The following CCT7 variants were observed in gnomAD, a reference collection of about 807,000 sequenced individuals.
The protein encoded by CCT7 is T-complex protein 1 subunit eta.
A neutral mutation model predicts 56.6 loss-of-function variants in CCT7; 16 were observed. That is an observed-to-expected ratio of 0.28 (90% CI 0.19 to 0.43). The LOEUF (loss-of-function observed/expected upper bound fraction) is 0.43. Among genes scored for constraint, CCT7 ranks in the 20% least tolerant of loss-of-function variants. The probability of loss-of-function intolerance (pLI) is 1.00; values close to 1 mark genes in which losing one functional copy is unlikely to be tolerated. For missense variants in CCT7, 519 were observed against 685.6 expected, an observed-to-expected ratio of 0.76 and a Z score of 2.71; for synonymous variants, 262 against 254.8, an observed-to-expected ratio of 1.03 and a Z score of -0.27.
In CCT7 at chr2:73,252,681, T is replaced by C. The variant is rs1299234680; in HGVS notation, c.1452T>C (p.Ile484=). Residue 484 remains isoleucine, a synonymous_variant, in exon 12 of 12, where the codon ATT becomes ATC. Transcript: ENST00000258091. The part of the protein sequence containing the change: ...WYGVDINNED[I]ADNFEAFVWE... Reference sequence around the variant, plus strand: ...GAGTAGACATCAACAACGAGGACATTGCTGACAACTTTGAAGCTTTCGTGT... The same window carrying C: ...GAGTAGACATCAACAACGAGGACATCGCTGACAACTTTGAAGCTTTCGTGT... 6.2e-7 allele frequency: 1 copy of C among 1,614,160 alleles called. No individual in the cohort carries two copies. Among genetic ancestry groups the C allele is most frequent in the Non-Finnish European group, 8.5e-7 (1 of 1,180,020 alleles).
At chr2:73,234,893 G>A (rs1686801950) in intron 1 of CCT7, among the ~76,000 whole-genome samples, 1 of 152,216 alleles carries the variant, frequency 6.6e-6, no homozygotes, top group Non-Finnish European at 1.5e-5. Flanking sequence ...AGCGTGCAGA[G>A]AAGCAGACGC....
chr2:73,235,745 A>G (rs979205950), intron 1 of CCT7: 1 of 176,034 alleles, frequency 5.7e-6, no homozygotes, highest in African/African-American at 2.4e-5. Context: ...GATAGTAAGC[A>G]CTCAGCAATG....
At chr2:73,249,487 TCC>T (rs1417253695) in intron 8 of CCT7, among the ~76,000 whole-genome samples, 7 of 152,142 alleles carry the variant, frequency 4.6e-5, no homozygotes, top group Non-Finnish European at 7.4e-5. Context: ...TTCATGAGCA[TCC>T]CACAAAAGAT....
intron 1 of CCT7, among the ~76,000 whole-genome samples, chr2:73,237,156 A>C (rs543635795): frequency 6.6e-6 from 1 of 152,352 alleles, no homozygotes; most frequent in African/African-American, 2.4e-5. Context: ...GGGCAAGTGA[A>C]GAGAAAGTTA....
At chr2:73,241,297 A>T (rs1347087256) in intron 3 of CCT7, among the ~76,000 whole-genome samples, 1 of 152,174 alleles carries the variant, frequency 6.6e-6, no homozygotes, top group Non-Finnish European at 1.5e-5. Context: ...ATATAAAATT[A>T]AAGAGAGAAG....
intron 2 of CCT7, 111 bp from the exon 3 acceptor site, chr2:73,240,326 C>T (rs1435428097): frequency 6.5e-6 from 4 of 614,968 alleles, no homozygotes; most frequent in Non-Finnish European, 1.1e-5. Context: ...TCCCTTCAGC[C>T]CTGCCGTGAT....
chr2:73,235,946 C>A (rs1449740417), intron 1 of CCT7, among the ~76,000 whole-genome samples: 1 of 152,238 alleles, frequency 6.6e-6, no homozygotes, highest in African/African-American at 2.4e-5. Context: ...CCTGAACTGA[C>A]CCCTCCTCTG....
intron 1 of CCT7, among the ~76,000 whole-genome samples, chr2:73,238,225 A>G (rs984395162): frequency 6.6e-6 from 1 of 152,160 alleles, no homozygotes. Flanking sequence ...ACAGTATGCC[A>G]TTCCTCTGCT....
chr2:73,252,550 G>T lies in CCT7; in HGVS notation c.1411-90G>T, dbSNP rs1236639339. 8 of 976,844 alleles carry T rather than the reference G, an allele frequency of 8.2e-6. No individual in the cohort carries two copies. The African/African-American group carries it at 1.1e-4, about 14-fold the overall frequency. The allele number at this position is 976,844 out of a possible 1,614,324, so 60.5% of individuals were successfully genotyped here. On this transcript the variant is annotated intron_variant, in intron 11 of 11. Coordinates refer to ENST00000258091, the MANE Select transcript of CCT7 (RefSeq NM_006429.4). ...GCCACCAAGTTCAGAGAGTCTGCGG[G>T]TTCCTAGCAGTGTCTTTTGGAGTAC...
chr2:73,234,508 C>A, intron 1 of CCT7, 124 bp downstream of exon 1: 1 of 1,203,998 alleles, frequency 8.3e-7, no homozygotes, highest in South Asian at 1.3e-5. Flanking sequence ...GCCCAGATCC[C>A]CAGCTTAGGG....
At chr2:73,240,584 A>G in intron 3 of CCT7, 41 bp downstream of exon 3, 1 of 1,315,134 alleles carries the variant, frequency 7.6e-7, no homozygotes, top group Admixed American at 2.0e-5. Flanking sequence ...GTTGAAACAC[A>G]TGCTTGCTTG....
intron 1 of CCT7, among the ~76,000 whole-genome samples, chr2:73,237,022 A>C (rs1686912986): frequency 6.6e-6 from 1 of 152,244 alleles, no homozygotes; most frequent in Non-Finnish European, 1.5e-5. Flanking sequence ...TTTCAGCCCC[A>C]AAAGCTGCTG....
chr2:73,251,195 C>T (rs746773850), intron 10 of CCT7, 31 bp from the exon 11 acceptor site: 9 of 1,609,874 alleles, frequency 5.6e-6, no homozygotes, highest in Non-Finnish European at 7.7e-6. Flanking sequence ...CAGGGGCCCT[C>T]TTACATTGAG....
At chr2:73,236,356 T>TC (rs1264071876) in intron 1 of CCT7, among the ~76,000 whole-genome samples, 22 of 151,928 alleles carry the variant, frequency 1.4e-4, no homozygotes, top group Admixed American at 2.0e-4. Flanking sequence ...TTTTTTTTTT[T>TC]CCCGAGATGG....
At chr2:73,250,222 G>GC (rs963737319) in intron 9 of CCT7, 84 bp from the exon 10 acceptor site, 11 of 1,521,666 alleles carry the variant, frequency 7.2e-6, no homozygotes, top group East Asian at 6.8e-5. Context: ...GCTGCTGAGT[G>GC]TTGGGGGGGC....
chr2:73,236,817 T>C (rs1686904774), intron 1 of CCT7, among the ~76,000 whole-genome samples: 1 of 152,202 alleles, frequency 6.6e-6, no homozygotes, highest in Non-Finnish European at 1.5e-5. Flanking sequence ...ATAGATGCTC[T>C]CTACCCAGCC....
At chr2:73,252,155 G>A (rs1687619290) in intron 11 of CCT7, among the ~76,000 whole-genome samples, 1 of 151,974 alleles carries the variant, frequency 6.6e-6, no homozygotes, top group South Asian at 2.1e-4. Context: ...TAAGTGCTTA[G>A]CACCCAGTGA....
Position 73,234,326 on chromosome 2 carries a change from G to T in CCT7, c.-53G>T. 1.2e-6 allele frequency: 2 copies of T among 1,612,378 alleles called. No homozygotes were observed. Among genetic ancestry groups the T allele is most frequent in the South Asian group, 1.1e-5 (1 of 91,060 alleles). On this transcript the variant is annotated 5_prime_UTR_variant, in exon 1 of 12. Coordinates refer to ENST00000258091, the MANE Select transcript of CCT7 (RefSeq NM_006429.4). ...GCGAGGCATTGTGGGTTGCTGGGCG[G>T]CCCGGTCTCGGAGAAGAGGGGAGAG...
intron 3 of CCT7, among the ~76,000 whole-genome samples, chr2:73,240,917 A>G (rs1161292760): frequency 7.0e-6 from 1 of 143,718 alleles, no homozygotes; most frequent in Non-Finnish European, 1.5e-5. Flanking sequence ...TTTTTTTTTT[A>G]AAGAGATAGG....
Sources: allele counts gnomAD v4.1 joint callset (sites outside exome capture counted in the v4.1 genomes callset), GRCh38; gene constraint gnomAD v4.1.1; transcripts MANE v1.5; gene names NCBI Gene and HGNC (gene_info 2026-07-23, HGNC 2026-07-21).